The following ARHGAP18 variants were observed in gnomAD, a reference collection of about 807,000 sequenced individuals.
ARHGAP18 encodes Rho GTPase activating protein 18, also known as rho GTPase-activating protein 18.
In ARHGAP18, 67 loss-of-function variants were observed where a neutral mutation model predicts 86.2. The observed-to-expected ratio is 0.78, with a 90% CI of 0.64 to 0.95. ARHGAP18 has a LOEUF of 0.95. Among genes scored for constraint, ARHGAP18 ranks in the 40% least tolerant of loss-of-function variants. The pLI, the probability that ARHGAP18 is intolerant of heterozygous loss-of-function variation, is 0.00. For synonymous variants in ARHGAP18, 283 were observed against 280.4 expected, an observed-to-expected ratio of 1.01 and a Z score of -0.09; for missense variants, 691 against 780.4, an observed-to-expected ratio of 0.89 and a Z score of 1.37.
At chr6:129,642,176 A>G (rs573872906) in intron 1 of ARHGAP18, among the ~76,000 whole-genome samples, 158 bp from the exon 2 acceptor site, 9 of 152,372 alleles carry the variant, frequency 5.9e-5, no homozygotes, top group African/African-American at 2.2e-4. Flanking sequence ...ACTATGGATT[A>G]TAATATGCTT....
At chr6:129,638,130 C>T (rs147773579) in intron 3 of ARHGAP18, among the ~76,000 whole-genome samples, 2 of 152,140 alleles carry the variant, frequency 1.3e-5, no homozygotes, top group Non-Finnish European at 2.9e-5. Context: ...GAGTTAAAGT[C>T]ACTTGTAATG....
At chr6:129,611,114 G>C (rs1186189034) in intron 8 of ARHGAP18, among the ~76,000 whole-genome samples, 1 of 151,970 alleles carries the variant, frequency 6.6e-6, no homozygotes, top group African/African-American at 2.4e-5. Context: ...GTTGCCCAAG[G>C]TGGTCTTGAA....
intron 8 of ARHGAP18, among the ~76,000 whole-genome samples, chr6:129,608,880 C>G (rs1421550143): frequency 6.6e-6 from 1 of 152,006 alleles, no homozygotes; most frequent in Admixed American, 6.6e-5. Flanking sequence ...ATTTTCTCTT[C>G]CTAACACAAC....
chr6:129,662,006 CT>C (rs1179330306), intron 1 of ARHGAP18: 3 of 844,524 alleles, frequency 3.6e-6, no homozygotes, highest in Non-Finnish European at 4.3e-6. Flanking sequence ...CACAAAGCCC[CT>C]GAAACCAAGG....
chr6:129,583,150 C>A (rs558987013), intron 13 of ARHGAP18, among the ~76,000 whole-genome samples: 83 of 152,216 alleles, frequency 5.5e-4, no homozygotes, highest in African/African-American at 2.0e-3. Flanking sequence ...AATGAAAGAC[C>A]AAGACAGAGT....
chr6:129,674,442 A>T (rs768909517), intron 1 of ARHGAP18, among the ~76,000 whole-genome samples: 5 of 152,274 alleles, frequency 3.3e-5, no homozygotes, highest in Non-Finnish European at 7.3e-5. Context: ...CTGATTAAAC[A>T]GCTTATATAA....
intron 12 of ARHGAP18, among the ~76,000 whole-genome samples, chr6:129,598,504 C>T (rs1788665788): frequency 6.6e-6 from 1 of 152,138 alleles, no homozygotes; most frequent in Non-Finnish European, 1.5e-5. Flanking sequence ...TTAAATAGAA[C>T]AATAGAAACC....
chr6:129,633,830 G>A (rs1338903762), intron 4 of ARHGAP18, among the ~76,000 whole-genome samples: 1 of 152,084 alleles, frequency 6.6e-6, no homozygotes, highest in South Asian at 2.1e-4. Flanking sequence ...ATACGTATAC[G>A]CATTTTGAAT....
intron 5 of ARHGAP18, among the ~76,000 whole-genome samples, chr6:129,627,145 G>A (rs926901735): frequency 3.3e-5 from 5 of 152,110 alleles, no homozygotes; most frequent in South Asian, 2.1e-4. Flanking sequence ...ATATAATTCC[G>A]TGAGTTAAGA....
chr6:129,599,799 A>G (rs970991239), intron 11 of ARHGAP18, among the ~76,000 whole-genome samples: 4 of 152,154 alleles, frequency 2.6e-5, no homozygotes, highest in African/African-American at 9.7e-5. Flanking sequence ...TCCCCAAGAA[A>G]CAAGAGCTGA....
chr6:129,625,193 G>T lies in ARHGAP18; in HGVS notation c.786+4160C>A, dbSNP rs566245105. On this transcript the variant is annotated intron_variant, in intron 5 of 14. Coordinates refer to ENST00000368149, the MANE Select transcript of ARHGAP18 (RefSeq NM_033515.3). ...ATATGATATATTATATATTATATAT[G>T]ATATATATTTATATGTAATATATAT... Among the ~76,000 whole-genome samples the T allele has an allele frequency of 1.0e-3, 66 of 63,054 alleles. 14 individuals carry two copies. Among genetic ancestry groups the T allele is most frequent in the African/African-American group, 2.9e-3 (38 of 13,160 alleles). The allele number at this position is 63,054 out of a possible 152,430, so 41.4% of individuals were successfully genotyped here. A position where few individuals can be genotyped will look rare whatever the true frequency, so the allele number is the denominator to read the frequency against.
intron 8 of ARHGAP18, among the ~76,000 whole-genome samples, chr6:129,611,190 C>T (rs977009033): frequency 6.6e-6 from 1 of 152,348 alleles, no homozygotes; most frequent in Non-Finnish European, 1.5e-5. Flanking sequence ...GTGTGAACCA[C>T]CACGCCCGGC....
At chr6:129,680,504 G>A (rs1056113802) in intron 1 of ARHGAP18, among the ~76,000 whole-genome samples, 4 of 151,944 alleles carry the variant, frequency 2.6e-5, no homozygotes, top group South Asian at 2.1e-4. Flanking sequence ...ATTTCCTTTC[G>A]AACAGCTCCT....
At chr6:129,646,788 G>C (rs1281056334) in intron 1 of ARHGAP18, among the ~76,000 whole-genome samples, 1 of 152,144 alleles carries the variant, frequency 6.6e-6, no homozygotes, top group Non-Finnish European at 1.5e-5. Context: ...ATTCTCATGA[G>C]AGAGTGAGAG....
At chr6:129,617,507 C>T (rs1343312234) in intron 6 of ARHGAP18, among the ~76,000 whole-genome samples, 1 of 151,958 alleles carries the variant, frequency 6.6e-6, no homozygotes, top group East Asian at 1.9e-4. Flanking sequence ...TAGGGTATAA[C>T]ATAAAATCAG....
At chr6:129,627,582 C>A (rs1485020062) in intron 5 of ARHGAP18, among the ~76,000 whole-genome samples, 1 of 150,176 alleles carries the variant, frequency 6.7e-6, no homozygotes, top group East Asian at 2.0e-4. Context: ...AATTTAATAA[C>A]CACGTTTCTT....
intron 7 of ARHGAP18, among the ~76,000 whole-genome samples, 192 bp from the exon 8 acceptor site, chr6:129,611,802 A>G (rs910097610): frequency 6.6e-6 from 1 of 152,228 alleles, no homozygotes; most frequent in Admixed American, 6.5e-5. Context: ...TATAATTTAG[A>G]AAAAGTTGGG....
intron 1 of ARHGAP18, among the ~76,000 whole-genome samples, chr6:129,676,555 A>C (rs1774234068): frequency 6.6e-6 from 1 of 152,186 alleles, no homozygotes. Flanking sequence ...ATGGAATGGA[A>C]AGACTCAATC....
intron 2 of ARHGAP18, among the ~76,000 whole-genome samples, chr6:129,640,818 C>T (rs1773441890): frequency 6.6e-6 from 1 of 152,116 alleles, no homozygotes; most frequent in Non-Finnish European, 1.5e-5. Flanking sequence ...CTTATATAAA[C>T]ATACTTACAA....
Sources: allele counts gnomAD v4.1 joint callset (sites outside exome capture counted in the v4.1 genomes callset), GRCh38; gene constraint gnomAD v4.1.1; transcripts MANE v1.5; gene names NCBI Gene and HGNC (gene_info 2026-07-23, HGNC 2026-07-21).